The following TRDN variants were observed in gnomAD, a reference collection of about 807,000 sequenced individuals.
TRDN encodes the protein triadin in skeletal muscle.
TRDN carries 161 observed loss-of-function variants against 149.7 expected under a neutral mutation model. The observed-to-expected ratio is 1.08, with a 90% CI of 0.95 to 1.23. The LOEUF (loss-of-function observed/expected upper bound fraction) is 1.23, where lower values mean the gene tolerates loss of function less well. Among genes scored for constraint, TRDN ranks in the 50% most tolerant of loss-of-function variants. The pLI, the probability that TRDN is intolerant of heterozygous loss-of-function variation, is 0.00. For missense variants in TRDN, 896 were observed against 823.5 expected, an observed-to-expected ratio of 1.09 and a Z score of -1.08; for synonymous variants, 294 against 250.5, an observed-to-expected ratio of 1.17 and a Z score of -1.64.
intron 7 of TRDN, among the ~76,000 whole-genome samples, chr6:123,504,214 G>A (rs146010125): frequency 5.3e-5 from 8 of 152,078 alleles, no homozygotes; most frequent in African/African-American, 1.9e-4. Context: ...ATGTCAACAA[G>A]GAGGCATTTG....
chr6:123,293,806 A>G (rs1241176477), intron 24 of TRDN, among the ~76,000 whole-genome samples: 1 of 144,762 alleles, frequency 6.9e-6, no homozygotes, highest in African/African-American at 2.4e-5. Context: ...TCCCCTGTAC[A>G]TCAAAAACTT....
intron 9 of TRDN, among the ~76,000 whole-genome samples, chr6:123,496,088 TA>T (rs1005885312): frequency 2.0e-5 from 3 of 146,968 alleles, no homozygotes; most frequent in African/African-American, 7.4e-5. Context: ...TATAATATAT[TA>T]ATATATAATA....
intron 12 of TRDN, among the ~76,000 whole-genome samples, chr6:123,408,654 G>A (rs1392000594): frequency 2.0e-5 from 3 of 149,640 alleles, no homozygotes; most frequent in Admixed American, 6.7e-5. Flanking sequence ...CTCCAGCCTG[G>A]GGGACAAGAG....
intron 16 of TRDN, among the ~76,000 whole-genome samples, chr6:123,379,460 ATT>A (rs2114409618): frequency 6.6e-6 from 1 of 152,336 alleles, no homozygotes; most frequent in African/African-American, 2.4e-5. Flanking sequence ...AATTAAATAC[ATT>A]GTTTAATTTA....
At chr6:123,436,859 AG>A (rs1562312147) in intron 12 of TRDN, among the ~76,000 whole-genome samples, 1 of 152,122 alleles carries the variant, frequency 6.6e-6, no homozygotes, top group Non-Finnish European at 1.5e-5. Flanking sequence ...CATATACACA[AG>A]CCCTAGAAGA....
chr6:123,592,726 T>A (rs2114624031), intron 1 of TRDN, among the ~76,000 whole-genome samples: 3 of 152,324 alleles, frequency 2.0e-5, no homozygotes, highest in Admixed American at 2.0e-4. Flanking sequence ...CCATAGCTGA[T>A]TCAGTAAAAT....
In TRDN at chr6:123,224,099, C is replaced by T. The variant is rs1206502774; in HGVS notation, c.2008G>A (p.Ala670Thr). The change falls in exon 39 of 41, where the codon GCT (alanine) becomes ACT (threonine). Residue 670 changes from alanine (A) to threonine (T), a missense_variant. Physicochemically the swap from Ala to Thr is moderately conservative, Grantham distance 58 (BLOSUM62 0). Transcript: ENST00000334268. The part of the protein sequence containing the change: ...DVEDVPASKK[A>T]KEGTEDVSPT... ...CCAAAGACAGCAAACTCACCTTTAG[C>T]TTTCTTTGAAGCTGGTACATCTTCA... The T allele has an allele frequency of 1.2e-6, 2 of 1,610,050 alleles. No homozygotes were observed. Among genetic ancestry groups the T allele is most frequent in the Non-Finnish European group, 8.5e-7 (1 of 1,177,740 alleles).
In TRDN at chr6:123,412,609, G is replaced by C. The variant is rs150835482; in HGVS notation, c.1052-18932C>G. 2.6e-3 allele frequency among the ~76,000 whole-genome samples: 392 copies of C among 152,048 alleles called. 2 individuals are homozygous for C. The highest frequency in any genetic ancestry group is 8.9e-3 in the African/African-American group (370 of 41,476). On this transcript the variant is annotated intron_variant, in intron 12 of 40. Transcript: ENST00000334268. Reference sequence around the variant, plus strand: ...TGGTGAGATTATGAATACTCTTCTGGGTCTCTTAATGTTCTGTAAGCAAGA... The same window carrying C: ...TGGTGAGATTATGAATACTCTTCTGCGTCTCTTAATGTTCTGTAAGCAAGA...
chr6:123,633,797 G>C (rs1343743178), intron 1 of TRDN, among the ~76,000 whole-genome samples: 1 of 151,912 alleles, frequency 6.6e-6, no homozygotes, highest in Non-Finnish European at 1.5e-5. Context: ...ACCTGCAGTG[G>C]AAATTGATGT....
rs1000389139 is a variant in TRDN at position 123,613,918 on chromosome 6, ATCT to A, written c.22+22833_22+22835del. Among the ~76,000 whole-genome samples, 139 of 152,254 alleles carry A rather than the reference ATCT, an allele frequency of 9.1e-4. 1 individual carries two copies. Among genetic ancestry groups the A allele is most frequent in the African/African-American group, 1.8e-3 (73 of 41,570 alleles). Reference sequence around the variant, plus strand: ...CATAAAAGATAAATGATAAAAGAAAATCTTCTTCCTCTGGTCCTTTCTCACAGG... The same window carrying A: ...CATAAAAGATAAATGATAAAAGAAAATCTTCCTCTGGTCCTTTCTCACAGG... On this transcript the variant is annotated intron_variant, in intron 1 of 40. Coordinates refer to ENST00000334268, the MANE Select transcript of TRDN (RefSeq NM_006073.4).
At chr6:123,549,418 T>C (rs1348539138) in intron 2 of TRDN, among the ~76,000 whole-genome samples, 2 of 152,058 alleles carry the variant, frequency 1.3e-5, no homozygotes, top group African/African-American at 4.8e-5. Flanking sequence ...TATCTAGAAA[T>C]ATGGTATAAA....
At chr6:123,433,689 C>T (rs1774435821) in intron 12 of TRDN, among the ~76,000 whole-genome samples, 1 of 151,466 alleles carries the variant, frequency 6.6e-6, no homozygotes, top group Admixed American at 6.6e-5. Flanking sequence ...GATTTTATAC[C>T]ATTATCAATA....
chr6:123,377,663 T>C, intron 18 of TRDN, 53 bp downstream of exon 18: 4 of 1,607,308 alleles, frequency 2.5e-6, no homozygotes, highest in Non-Finnish European at 3.4e-6. Context: ...GCTACAGCAT[T>C]AATAAACACT....
At chr6:123,379,337 T>A (rs1781627205) in intron 16 of TRDN, among the ~76,000 whole-genome samples, 1 of 152,106 alleles carries the variant, frequency 6.6e-6, no homozygotes, top group Non-Finnish European at 1.5e-5. Flanking sequence ...AACAAAAAAA[T>A]GAAACAAATG....
intron 32 of TRDN, among the ~76,000 whole-genome samples, chr6:123,267,415 A>T (rs1040288968): frequency 6.6e-6 from 1 of 152,142 alleles, no homozygotes; most frequent in Admixed American, 6.6e-5. Context: ...ATGATAAATT[A>T]TATTAATACT....
At chr6:123,615,614 G>A (rs556145335) in intron 1 of TRDN, among the ~76,000 whole-genome samples, 2 of 152,194 alleles carry the variant, frequency 1.3e-5, no homozygotes, top group South Asian at 2.1e-4. Flanking sequence ...TCACAGCAAC[G>A]TGGATGAGCT....
Position 123,571,124 on chromosome 6 carries a change from A to G in TRDN, c.31T>C (p.Ser11Pro). The change falls in exon 2 of 41, where the codon TCT becomes CCT. Residue 11 changes from serine (S) to proline (P), a missense_variant. Physicochemically the swap from Ser to Pro is moderately conservative, Grantham distance 74. Transcript: ENST00000334268. MTEITAEGNA[S>P]TTTTVIDSKN... Reference sequence around the variant, plus strand: ...CTGTCTATCACAGTTGTGGTTGTAGATGCATTTCCTAATCAAACATTCAGA... The same window carrying G: ...CTGTCTATCACAGTTGTGGTTGTAGGTGCATTTCCTAATCAAACATTCAGA... 1 of 1,613,732 alleles carries G rather than the reference A, an allele frequency of 6.2e-7. No homozygotes were observed. The highest frequency in any genetic ancestry group is 8.5e-7 in the Non-Finnish European group (1 of 1,179,800).
At chr6:123,611,309 G>A (rs1048456298) in intron 1 of TRDN, among the ~76,000 whole-genome samples, 6 of 152,010 alleles carry the variant, frequency 3.9e-5, no homozygotes, top group Admixed American at 2.0e-4. Context: ...CAAAAATTAC[G>A]CTATATTCAC....
chr6:123,607,441 T>C (rs1235395038), intron 1 of TRDN, among the ~76,000 whole-genome samples: 3 of 152,176 alleles, frequency 2.0e-5, no homozygotes, highest in Non-Finnish European at 4.4e-5. Context: ...ATACTTTCTC[T>C]ATATATACAG....
Sources: gnomAD v4.1 joint callset for allele counts (sites outside exome capture counted in the v4.1 genomes callset) on GRCh38, gnomAD v4.1.1 for gene constraint, MANE v1.5 for transcripts, NCBI Gene and HGNC (gene_info 2026-07-23, HGNC 2026-07-21) for gene names.